The following TMOD3 variants were observed in gnomAD, a reference collection of about 807,000 sequenced individuals.
TMOD3 encodes the protein tropomodulin 3.
TMOD3 carries 20 observed loss-of-function variants against 39.2 expected under a neutral mutation model. The observed-to-expected ratio is 0.51, with a 90% CI of 0.36 to 0.74. The LOEUF is 0.74. TMOD3 is among the 30% of genes least tolerant of loss of function. The pLI is 0.00. For synonymous variants in TMOD3, 143 were observed against 145.8 expected (o/e 0.98, Z 0.14); for missense variants, 381 against 412.8 (o/e 0.92, Z 0.67).
chr15:51,841,940 T>C (rs1469110014), intron 1 of TMOD3, among the ~76,000 whole-genome samples: 1 of 152,124 alleles, frequency 6.6e-6, no homozygotes, highest in Non-Finnish European at 1.5e-5. Flanking sequence ...TGGCTAATTT[T>C]TTTTTATGTA....
intron 1 of TMOD3, among the ~76,000 whole-genome samples, chr15:51,839,673 A>G (rs1033480685): frequency 1.3e-5 from 2 of 152,086 alleles, no homozygotes; most frequent in Non-Finnish European, 2.9e-5. Flanking sequence ...CAGTCTCCCA[A>G]GTAGCTGGGA....
chr15:51,906,386 T>A (rs1377241062), intron 9 of TMOD3, among the ~76,000 whole-genome samples: 2 of 152,194 alleles, frequency 1.3e-5, no homozygotes, highest in Non-Finnish European at 2.9e-5. Context: ...GATCTTTGAG[T>A]TCTGATTTTG....
At chr15:51,860,400 T>C in intron 1 of TMOD3, 1 of 546,068 alleles carries the variant, frequency 1.8e-6, no homozygotes, top group Non-Finnish European at 3.7e-6. Context: ...TTCTTGCTTT[T>C]CCTTCCTCAG....
At chr15:51,841,920 C>A (rs1288963502) in intron 1 of TMOD3, among the ~76,000 whole-genome samples, 1 of 152,128 alleles carries the variant, frequency 6.6e-6, no homozygotes, top group East Asian at 1.9e-4. Flanking sequence ...CAGGCATGGG[C>A]CACCACGCCT....
chr15:51,907,806 T>C (rs1176994796), intron 9 of TMOD3, among the ~76,000 whole-genome samples: 1 of 152,210 alleles, frequency 6.6e-6, no homozygotes. Context: ...GACCTTGTTC[T>C]GCTACTAGAG....
At chr15:51,861,092 C>T in intron 1 of TMOD3, 1 of 587,942 alleles carries the variant, frequency 1.7e-6, no homozygotes, top group Non-Finnish European at 3.1e-6. Context: ...TTCTCTGGAT[C>T]TGTTCGAAAA....
intron 3 of TMOD3, among the ~76,000 whole-genome samples, chr15:51,871,780 T>C (rs1256013904): frequency 6.6e-6 from 1 of 151,342 alleles, no homozygotes; most frequent in African/African-American, 2.5e-5. Flanking sequence ...AGAATATCTT[T>C]GTCCTCCTAT....
intron 2 of TMOD3, among the ~76,000 whole-genome samples, chr15:51,865,951 T>A (rs1023891750): frequency 6.6e-6 from 1 of 152,166 alleles, no homozygotes; most frequent in African/African-American, 2.4e-5. Context: ...AAGAGCTTTT[T>A]TTCCCCCCCA....
At chr15:51,864,899 C>T (rs1288872409) in intron 2 of TMOD3, among the ~76,000 whole-genome samples, 3 of 152,048 alleles carry the variant, frequency 2.0e-5, no homozygotes, top group Non-Finnish European at 4.4e-5. Flanking sequence ...GGGGATAGTG[C>T]GCTCTCTAGC....
chr15:51,857,800 A>G (rs569575718), intron 1 of TMOD3, among the ~76,000 whole-genome samples: 129 of 152,240 alleles, frequency 8.5e-4, no homozygotes, highest in Admixed American at 1.4e-3. Context: ...TTCTTGGTAC[A>G]TATTTATATA....
intron 3 of TMOD3, among the ~76,000 whole-genome samples, chr15:51,887,258 T>C (rs998822276): frequency 1.3e-5 from 2 of 149,318 alleles, no homozygotes; most frequent in African/African-American, 2.4e-5. Flanking sequence ...GTTTTTTTTT[T>C]TTTTAATCTC....
chr15:51,904,543 A>G (rs1432761006), intron 9 of TMOD3, among the ~76,000 whole-genome samples: 2 of 152,134 alleles, frequency 1.3e-5, no homozygotes, highest in African/African-American at 2.4e-5. Flanking sequence ...ACAAGCCCCA[A>G]CCAGCTCTGT....
chr15:51,902,354 G>A (rs148461341), intron 9 of TMOD3, among the ~76,000 whole-genome samples: 172 of 152,238 alleles, frequency 1.1e-3, no homozygotes, highest in African/African-American at 3.9e-3. Flanking sequence ...CAACATTATC[G>A]GAAAGTTTTT....
intron 3 of TMOD3, among the ~76,000 whole-genome samples, chr15:51,885,892 G>A (rs1566863429): frequency 6.7e-6 from 1 of 149,484 alleles, no homozygotes; most frequent in Non-Finnish European, 1.5e-5. Flanking sequence ...CCACCTCCCA[G>A]ACGGGGTGGC....
intron 2 of TMOD3, among the ~76,000 whole-genome samples, chr15:51,864,659 GA>G (rs2056436074): frequency 1.3e-5 from 2 of 152,200 alleles, no homozygotes; most frequent in African/African-American, 4.8e-5. Flanking sequence ...CAATGGGAAT[GA>G]ATGGGTGAGT....
chr15:51,856,003 C>T (rs2056385844), intron 1 of TMOD3, among the ~76,000 whole-genome samples: 1 of 152,216 alleles, frequency 6.6e-6, no homozygotes, highest in Admixed American at 6.5e-5. Context: ...TAGCTCACGC[C>T]TGTAATCCCA....
At chr15:51,874,783 G>A (rs1433577855) in intron 3 of TMOD3, among the ~76,000 whole-genome samples, 1 of 152,016 alleles carries the variant, frequency 6.6e-6, no homozygotes, top group East Asian at 1.9e-4. Context: ...GTTATTTCAC[G>A]GATGGACCAG....
chr15:51,894,333 T>C (rs761498508), intron 6 of TMOD3, among the ~76,000 whole-genome samples: 4 of 152,168 alleles, frequency 2.6e-5, no homozygotes, highest in Admixed American at 6.5e-5. Flanking sequence ...GGAGGATGGC[T>C]TGAGCCCAAA....
At position 51,839,165 on chromosome 15, in the gene TMOD3, C is replaced by CTTTTTTTTTT. The variant is rs60102349; in HGVS notation, c.-75+9333_-75+9342dup. 1.9e-3 allele frequency among the ~76,000 whole-genome samples: 210 copies of CTTTTTTTTTT among 108,930 alleles called. 10 individuals carry two copies. The highest frequency in any genetic ancestry group is 6.3e-3 in the African/African-American group (203 of 32,460). The allele number at this position is 108,930 out of a possible 152,430, so 71.5% of individuals were successfully genotyped here. A position where few individuals can be genotyped will look rare whatever the true frequency, so the allele number is the denominator to read the frequency against. Reference sequence around the variant, plus strand: ...ACAGCTAAGAAATAGGTGTATCTCTCTTTTTTTTTTTTTCCATTTTGTTTG... The same window carrying CTTTTTTTTTT: ...ACAGCTAAGAAATAGGTGTATCTCTCTTTTTTTTTTTTTTTTTTTTTTTCCATTTTGTTTG... On this transcript the variant is annotated intron_variant, in intron 1 of 9. Coordinates refer to ENST00000308580, the MANE Select transcript of TMOD3 (RefSeq NM_014547.5).
Sources: gnomAD v4.1 joint callset for allele counts (sites outside exome capture counted in the v4.1 genomes callset) on GRCh38, gnomAD v4.1.1 for gene constraint, MANE v1.5 for transcripts, NCBI Gene and HGNC (gene_info 2026-07-23, HGNC 2026-07-21) for gene names.